Variants in OR4D9 observed in about 807,000 individuals in gnomAD.
OR4D9 encodes olfactory receptor family 4 subfamily D member 9.
Under a neutral mutation model 0.8 loss-of-function variants are expected in OR4D9, and 2 were observed. The observed-to-expected ratio is 2.58, with a 90% CI of 1.06 to 8.13. The LOEUF (loss-of-function observed/expected upper bound fraction) is 8.13, where lower values mean the gene tolerates loss of function less well. OR4D9 is among the 30% of genes most tolerant of loss of function. OR4D9 has a pLI of 0.04. For missense variants in OR4D9, 399 were observed against 384.7 expected (o/e 1.04, Z -0.31); for synonymous variants, 146 against 151.2 (o/e 0.97, Z 0.25).
chr11:59,517,937 T>C lies in OR4D9; in HGVS notation c.*2080T>C, dbSNP rs1272891503. 1 of 152,224 alleles carries C rather than the reference T, an allele frequency of 6.6e-6. No individual in the cohort carries two copies. The highest frequency in any genetic ancestry group is 1.5e-5 in the Non-Finnish European group (1 of 68,034). 9.4% of individuals were successfully genotyped at this position (152,224 alleles called of 1,614,324 possible). On this transcript the variant is annotated 3_prime_UTR_variant, in exon 3 of 3. Coordinates refer to ENST00000641962, the MANE Select transcript of OR4D9 (RefSeq NM_001004711.2). The stretch of plus-strand genomic sequence containing the variant: ...GCCAAGCTCTCAAATGGGAAGCAAC[T>C]GACTCCCCCTTATATAGCAGGATTA...
chr11:59,515,062 C>T lies in OR4D9; in HGVS notation c.150C>T (p.Thr50=), dbSNP rs144291869. The T allele has an allele frequency of 6.2e-7, 1 of 1,614,146 alleles. No homozygotes were observed. Among genetic ancestry groups the T allele is most frequent in the South Asian group, 1.1e-5 (1 of 91,076 alleles). ...ACTTCCTCATCATGGTTACAGTTAC[C>T]TGTGAATCTCACCTTCATACGCCCA... ...MGNFLIMVTV[T]CESHLHTPMY... The change falls in exon 3 of 3, where the codon ACC becomes ACT. Residue 50 remains threonine (T), a synonymous_variant. Transcript: ENST00000641962.
At chr11:59,512,167 G>C (rs952382297) in intron 1 of OR4D9, among the ~76,000 whole-genome samples, 2 of 152,154 alleles carry the variant, frequency 1.3e-5, no homozygotes, top group African/African-American at 4.8e-5. Context: ...TTAATGTAGA[G>C]AATGAGGAAG....
In OR4D9 at chr11:59,516,906, A is replaced by T. The variant is rs920091904; in HGVS notation, c.*1049A>T. 2.6e-5 allele frequency: 4 copies of T among 152,186 alleles called. No homozygotes were observed. The highest frequency in any genetic ancestry group is 6.5e-5 in the Admixed American group (1 of 15,278). The allele number at this position is 152,186 out of a possible 1,614,324, so 9.4% of individuals were successfully genotyped here. ...TGGTGAAAGCCCATCTCTACTAAAA[A>T]TACAAAAACAAAATTAGCCAGGCTT... On this transcript the variant is annotated 3_prime_UTR_variant, in exon 3 of 3. Coordinates refer to ENST00000641962, the MANE Select transcript of OR4D9 (RefSeq NM_001004711.2).
In OR4D9 at chr11:59,517,291, T is replaced by C. The variant is rs1859417500; in HGVS notation, c.*1434T>C. 6.8e-6 allele frequency: 1 copy of C among 147,828 alleles called. No homozygotes were observed. Among genetic ancestry groups the C allele is most frequent in the African/African-American group, 2.5e-5 (1 of 40,200 alleles). 9.2% of individuals were successfully genotyped at this position (147,828 alleles called of 1,614,324 possible). A position where few individuals can be genotyped will look rare whatever the true frequency, so the allele number is the denominator to read the frequency against. ...AACCAGCATGCGCAAAGAAAGAAAA[T>C]GAGGTGAGATTGTGCCACATTTGTG... On this transcript the variant is annotated 3_prime_UTR_variant, in exon 3 of 3. Transcript: ENST00000641962.
rs947010731 is a variant in OR4D9 at position 59,514,698 on chromosome 11, C to G, written c.-99C>G. The G allele has an allele frequency of 2.1e-6, 1 of 482,354 alleles. No homozygotes were observed. Among genetic ancestry groups the G allele is most frequent in the African/African-American group, 2.0e-5 (1 of 50,598 alleles). 29.9% of individuals were successfully genotyped at this position (482,354 alleles called of 1,614,324 possible). ...CAGCAGCAGTGAGAGAACTTTGTCT[C>G]CTGGGATGACTGAATCAAAAACCTG... On this transcript the variant is annotated 5_prime_UTR_variant, in exon 2 of 3. Transcript: ENST00000641962.
In OR4D9 at chr11:59,520,556, T is replaced by C. The variant is rs12574456; in HGVS notation, c.*4699T>C. The C allele has an allele frequency of 0.26, 39,691 of 151,484 alleles. 5,463 individuals carry two copies. Among genetic ancestry groups the C allele is most frequent in the South Asian group, 0.39 (1,851 of 4,778 alleles). 9.4% of individuals were successfully genotyped at this position (151,484 alleles called of 1,614,324 possible). A position where few individuals can be genotyped will look rare whatever the true frequency, so the allele number is the denominator to read the frequency against. ...AGCACACCAGCATGGCACATGTATA[T>C]GTATGTAACTAACCTGCACATTGTG... On this transcript the variant is annotated 3_prime_UTR_variant, in exon 3 of 3. Coordinates refer to ENST00000641962, the MANE Select transcript of OR4D9 (RefSeq NM_001004711.2).
chr11:59,515,121 A>C lies in OR4D9; in HGVS notation c.209A>C (p.Asp70Ala). Residue 70 changes from aspartate (D) to alanine (A), a missense_variant, in exon 3 of 3, where the codon GAC becomes GCC. Coordinates refer to ENST00000641962, the MANE Select transcript of OR4D9 (RefSeq NM_001004711.2). Reference sequence around the variant, plus strand: ...CTGCTCCGCAACCTGTCTATTCTTGACATCTGCTTTTCCTCCATCACAGCT... The same window carrying C: ...CTGCTCCGCAACCTGTCTATTCTTGCCATCTGCTTTTCCTCCATCACAGCT... ...YFLLRNLSIL[D>A]ICFSSITAPK... 2 of 1,614,148 alleles carry C rather than the reference A, an allele frequency of 1.2e-6. No individual in the cohort carries two copies. Among genetic ancestry groups the C allele is most frequent in the Non-Finnish European group, 1.7e-6 (2 of 1,180,012 alleles).
rs1306945363 is a variant in OR4D9 at position 59,515,088 on chromosome 11, T to C, written c.176T>C (p.Met59Thr). The change falls in exon 3 of 3, where the codon ATG becomes ACG. Residue 59 changes from methionine to threonine, a missense_variant. By Grantham distance (81) the Met-to-Thr change is moderately conservative. Coordinates refer to ENST00000641962, the MANE Select transcript of OR4D9 (RefSeq NM_001004711.2). ...TGTGAATCTCACCTTCATACGCCCA[T>C]GTACTTCCTGCTCCGCAACCTGTCT... is the stretch of plus-strand genomic sequence containing the variant. ...VTCESHLHTPMYFLLRNLSIL... is the reference protein window; with the variant it reads ...VTCESHLHTPTYFLLRNLSIL... 2.5e-6 allele frequency: 4 copies of C among 1,614,070 alleles called. No homozygotes were observed. The African/African-American group carries it at 5.3e-5, about 22-fold the overall frequency.
Position 59,518,417 on chromosome 11 carries a change from C to T in OR4D9, c.*2560C>T, listed in dbSNP as rs1026768214. 6.6e-6 allele frequency: 1 copy of T among 152,252 alleles called. No homozygotes were observed. The highest frequency in any genetic ancestry group is 2.4e-5 in the African/African-American group (1 of 41,462). The allele number at this position is 152,252 out of a possible 1,614,324, so 9.4% of individuals were successfully genotyped here. ...CTTCTCCCGTCTTGGGCTCCACATT[C>T]TCTAGATCCTCAGAATCCTGTCCAT... On this transcript the variant is annotated 3_prime_UTR_variant, in exon 3 of 3. Transcript: ENST00000641962.
chr11:59,515,261 G>A lies in OR4D9; in HGVS notation c.349G>A (p.Val117Met), dbSNP rs1565093800. Residue 117 changes from valine (V) to methionine (M), a missense_variant, in exon 3 of 3, where the codon GTG becomes ATG. By Grantham distance (21) the Val-to-Met change is conservative. Coordinates refer to ENST00000641962, the MANE Select transcript of OR4D9 (RefSeq NM_001004711.2). Reference sequence around the variant, plus strand: ...GGGAGCAGACGTTTTTTCTCTCTCTGTGATGGCGTTTGACCGCTATATAGC... The same window carrying A: ...GGGAGCAGACGTTTTTTCTCTCTCTATGATGGCGTTTGACCGCTATATAGC... ...LGGADVFSLS[V>M]MAFDRYIAIS... is the part of the protein sequence containing the mutation. The A allele has an allele frequency of 6.2e-7, 1 of 1,612,804 alleles. No individual in the cohort carries two copies. Among genetic ancestry groups the A allele is most frequent in the Non-Finnish European group, 8.5e-7 (1 of 1,179,636 alleles).
rs1050265069 is a variant in OR4D9 at position 59,519,911 on chromosome 11, G to T, written c.*4054G>T. 9.2e-5 allele frequency: 14 copies of T among 152,170 alleles called. No homozygotes were observed. Among genetic ancestry groups the T allele is most frequent in the Non-Finnish European group, 1.9e-4 (13 of 68,040 alleles). 9.4% of individuals were successfully genotyped at this position (152,170 alleles called of 1,614,324 possible). The stretch of plus-strand genomic sequence containing the variant: ...AATTCATGTGCTTTACAGTAACATG[G>T]ATGCAGCTGGAGGCCGTGATCCTAA... On this transcript the variant is annotated 3_prime_UTR_variant, in exon 3 of 3. Transcript: ENST00000641962.
At position 59,515,951 on chromosome 11, in the gene OR4D9, C is replaced by A; in HGVS notation, c.*94C>A. On this transcript the variant is annotated 3_prime_UTR_variant, in exon 3 of 3. Transcript: ENST00000641962. ...GTTCATGCCCAAAACAAAGAGATAC[C>A]TATGGCCACCATCGAGTCCTAAAAG... 1 of 873,286 alleles carries A rather than the reference C, an allele frequency of 1.1e-6. No homozygotes were observed. The highest frequency in any genetic ancestry group is 1.7e-6 in the Non-Finnish European group (1 of 582,236). The allele number at this position is 873,286 out of a possible 1,614,324, so 54.1% of individuals were successfully genotyped here. A position where few individuals can be genotyped will look rare whatever the true frequency, so the allele number is the denominator to read the frequency against.
chr11:59,516,740 G>T lies in OR4D9; in HGVS notation c.*883G>T, dbSNP rs1859410018. 6.6e-6 allele frequency: 1 copy of T among 151,812 alleles called. No homozygotes were observed. Among genetic ancestry groups the T allele is most frequent in the South Asian group, 2.1e-4 (1 of 4,800 alleles). 9.4% of individuals were successfully genotyped at this position (151,812 alleles called of 1,614,324 possible). Reference sequence around the variant, plus strand: ...AGCCCAAGAGTTCAAGACCAGCCTGGGCAACTTAGTGAAACCTCATCTCTA... The same window carrying T: ...AGCCCAAGAGTTCAAGACCAGCCTGTGCAACTTAGTGAAACCTCATCTCTA... On this transcript the variant is annotated 3_prime_UTR_variant, in exon 3 of 3. Transcript: ENST00000641962.
Position 59,519,353 on chromosome 11 carries a change from C to CAA in OR4D9, c.*3508_*3509dup, listed in dbSNP as rs111323455. 2 of 120,570 alleles carry CAA rather than the reference C, an allele frequency of 1.7e-5. No homozygotes were observed. The highest frequency in any genetic ancestry group is 1.8e-5 in the Non-Finnish European group (1 of 56,782). The allele number at this position is 120,570 out of a possible 1,614,324, so 7.5% of individuals were successfully genotyped here. A position where few individuals can be genotyped will look rare whatever the true frequency, so the allele number is the denominator to read the frequency against. ...TGGGCAAAAGAGTGAGACCCTGTCT[C>CAA]AAAAAAAAAAAAAGAAAAAGTTTGC... On this transcript the variant is annotated 3_prime_UTR_variant, in exon 3 of 3. Coordinates refer to ENST00000641962, the MANE Select transcript of OR4D9 (RefSeq NM_001004711.2).
At position 59,520,428 on chromosome 11, in the gene OR4D9, G is replaced by A. The variant is rs527297143; in HGVS notation, c.*4571G>A. Reference sequence around the variant, plus strand: ...TGAACAATGAGAACACATGGACACAGGAAGGGGAACATCACACTCTAGGGA... The same window carrying A: ...TGAACAATGAGAACACATGGACACAAGAAGGGGAACATCACACTCTAGGGA... On this transcript the variant is annotated 3_prime_UTR_variant, in exon 3 of 3. Coordinates refer to ENST00000641962, the MANE Select transcript of OR4D9 (RefSeq NM_001004711.2). The A allele has an allele frequency of 1.8e-4, 25 of 140,282 alleles. No individual in the cohort carries two copies. Among genetic ancestry groups the A allele is most frequent in the African/African-American group, 6.6e-4 (25 of 37,956 alleles). 8.7% of individuals were successfully genotyped at this position (140,282 alleles called of 1,614,324 possible).
rs760048609 is a variant in OR4D9, at chr11:59,515,205, T to C, written c.293T>C (p.Val98Ala). ...AAAACCATCTCCTTCAGTGGCTGTG[T>C]CACTCAAATGTTCTTCTTCCACCTT... ...ETKTISFSGC[V>A]TQMFFFHLLG... Residue 98 changes from valine (V) to alanine (A), a missense_variant, in exon 3 of 3, where the codon GTC becomes GCC. Transcript: ENST00000641962. 2.5e-6 allele frequency: 4 copies of C among 1,614,120 alleles called. No homozygotes were observed. The highest frequency in any genetic ancestry group is 4.5e-5 in the East Asian group (2 of 44,874).
rs1244842516 is a variant in OR4D9 at position 59,515,291 on chromosome 11, T to C, written c.379T>C (p.Ser127Pro). The change falls in exon 3 of 3, where the codon TCC becomes CCC. Residue 127 changes from serine to proline, a missense_variant. Coordinates refer to ENST00000641962, the MANE Select transcript of OR4D9 (RefSeq NM_001004711.2). ...VMAFDRYIAI[S>P]KPLHYMTIMS... ...GGCGTTTGACCGCTATATAGCCATC[T>C]CCAAGCCCCTGCACTATATGACCAT... The C allele has an allele frequency of 6.2e-7, 1 of 1,612,456 alleles. No homozygotes were observed. The highest frequency in any genetic ancestry group is 8.5e-7 in the Non-Finnish European group (1 of 1,179,350).
rs1376078506 is a variant in OR4D9 at position 59,518,441 on chromosome 11, A to G, written c.*2584A>G. The stretch of plus-strand genomic sequence containing the variant: ...TCTCTAGATCCTCAGAATCCTGTCC[A>G]TGATCCAGCAGATGGAGAAAGGGAG... On this transcript the variant is annotated 3_prime_UTR_variant, in exon 3 of 3. Coordinates refer to ENST00000641962, the MANE Select transcript of OR4D9 (RefSeq NM_001004711.2). 5.9e-5 allele frequency: 9 copies of G among 152,296 alleles called. No individual in the cohort carries two copies. Among genetic ancestry groups the G allele is most frequent in the Admixed American group, 4.6e-4 (7 of 15,276 alleles). The allele number at this position is 152,296 out of a possible 1,614,324, so 9.4% of individuals were successfully genotyped here.
In OR4D9 at chr11:59,519,703, A is replaced by G. The variant is rs994304826; in HGVS notation, c.*3846A>G. The G allele has an allele frequency of 6.6e-6, 1 of 152,220 alleles. No homozygotes were observed. Among genetic ancestry groups the G allele is most frequent in the African/African-American group, 2.4e-5 (1 of 41,454 alleles). 9.4% of individuals were successfully genotyped at this position (152,220 alleles called of 1,614,324 possible). A position where few individuals can be genotyped will look rare whatever the true frequency, so the allele number is the denominator to read the frequency against. On this transcript the variant is annotated 3_prime_UTR_variant, in exon 3 of 3. Transcript: ENST00000641962. ...CTCCAAAACTACCATTTGACGCAGC[A>G]ATCCCATTGCTGGGTATATACCCAA... is the stretch of plus-strand genomic sequence containing the variant.
Sources: gnomAD v4.1 joint callset for allele counts (sites outside exome capture counted in the v4.1 genomes callset) on GRCh38, gnomAD v4.1.1 for gene constraint, MANE v1.5 for transcripts, NCBI Gene and HGNC (gene_info 2026-07-23, HGNC 2026-07-21) for gene names.